IRS1: variants seen among roughly 807,000 people sequenced by gnomAD.
The protein encoded by IRS1 is insulin receptor substrate 1.
Under a neutral mutation model 65.6 loss-of-function variants are expected in IRS1, and 34 were observed. The observed-to-expected ratio is 0.52, with a 90% CI of 0.39 to 0.69. The LOEUF (loss-of-function observed/expected upper bound fraction) is 0.69, where lower values mean the gene tolerates loss of function less well. Ranked by LOEUF, IRS1 falls within the 30% of genes least tolerant of loss-of-function variation. The pLI is 0.00. For synonymous variants in IRS1, 699 were observed against 683.5 expected (o/e 1.02, Z -0.35); for missense variants, 1,641 against 1,720.2 (o/e 0.95, Z 0.81).
chr2:226,744,807 G>A (rs1938505348), intron 1 of IRS1, among the ~76,000 whole-genome samples: 2 of 152,070 alleles, frequency 1.3e-5, no homozygotes, highest in African/African-American at 4.8e-5. Context: ...TCTAAGGAAC[G>A]TCTCCAGGAA....
chr2:226,796,430 G>A lies in IRS1; in HGVS notation c.2309C>T (p.Ser770Phe), dbSNP rs769224709. ...PVLSYYSLPR[S>F]FKHTQRPGEP... ...CCCGGGGCGCTGGGTGTGCTTAAAG[G>A]ATCTTGGCAATGAGTAGTAGGAGAG... is the stretch of plus-strand genomic sequence containing the variant. Residue 770 changes from serine to phenylalanine, a missense_variant, in exon 1 of 2, where the codon TCC (serine) becomes TTC (phenylalanine). This residue lies in a region of IRS1 where 1,324 missense variants were observed against 1,361.0 expected (regional missense o/e 0.97). Transcript: ENST00000305123. 6.2e-7 allele frequency: 1 copy of A among 1,613,714 alleles called. No homozygotes were observed. Among genetic ancestry groups the A allele is most frequent in the Non-Finnish European group, 8.5e-7 (1 of 1,180,044 alleles).
chr2:226,740,549 G>A (rs1281883334), intron 1 of IRS1, among the ~76,000 whole-genome samples: 2 of 152,130 alleles, frequency 1.3e-5, no homozygotes, highest in Non-Finnish European at 2.9e-5. Context: ...TGGGAAAGCA[G>A]CTGGAAACAG....
rs1374984690 is a variant in IRS1, at chr2:226,796,132, G to A, written c.2607C>T (p.Ser869=). ...TRLSLGDPKA[S]TLPRAREQQQ... is the part of the protein sequence containing the mutation. ...GCTGCTCTCGGGCCCGAGGTAAGGTGCTGGCCTTGGGATCCCCCAGGGACA... is the reference window on the plus strand; with the variant it reads ...GCTGCTCTCGGGCCCGAGGTAAGGTACTGGCCTTGGGATCCCCCAGGGACA... The change falls in exon 1 of 2, where the codon AGC becomes AGT. Residue 869 remains serine (S), a synonymous_variant. Coordinates refer to ENST00000305123, the MANE Select transcript of IRS1 (RefSeq NM_005544.3). The A allele has an allele frequency of 3.7e-6, 6 of 1,613,606 alleles. No homozygotes were observed. The highest frequency in any genetic ancestry group is 5.1e-6 in the Non-Finnish European group (6 of 1,180,048).
chr2:226,797,793 T>G lies in IRS1; in HGVS notation c.946A>C (p.Met316Leu). 1 of 1,598,000 alleles carries G rather than the reference T, an allele frequency of 6.3e-7. No individual in the cohort carries two copies. The highest frequency in any genetic ancestry group is 2.2e-5 in the East Asian group (1 of 44,660). ...AAGGAGCCTGGCTTCCCGCCCACCATGCTGGCCGGGGAGGTGGCGGTGATG... is the reference window on the plus strand; with the variant it reads ...AAGGAGCCTGGCTTCCCGCCCACCAGGCTGGCCGGGGAGGTGGCGGTGATG... ...ESITATSPAS[M>L]VGGKPGSFRV... Residue 316 changes from methionine (M) to leucine (L), a missense_variant, in exon 1 of 2, where the codon ATG (methionine) becomes CTG (leucine). By Grantham distance (15) the Met-to-Leu change is conservative. Coordinates refer to ENST00000305123, the MANE Select transcript of IRS1 (RefSeq NM_005544.3). The surrounding 1 kb of genome is among the most constrained non-coding windows in gnomAD (Gnocchi z 8.1).
chr2:226,794,968 C>T lies in IRS1; in HGVS notation c.*21+21G>A. The T allele has an allele frequency of 6.2e-7, 1 of 1,608,882 alleles. No homozygotes were observed. Among genetic ancestry groups the T allele is most frequent in the Non-Finnish European group, 8.5e-7 (1 of 1,176,238 alleles). On this transcript the variant is annotated intron_variant, in intron 1 of 1. Coordinates refer to ENST00000305123, the MANE Select transcript of IRS1 (RefSeq NM_005544.3). The surrounding 1 kb of genome is among the most constrained non-coding windows in gnomAD (Gnocchi z 4.1). ...GGTTAAAAGCAGTTTTGTCTTCTGA[C>T]TTTGTCACCATGAAACGCACCTGCT... is the stretch of plus-strand genomic sequence containing the variant.
intron 1 of IRS1, among the ~76,000 whole-genome samples, chr2:226,743,571 G>A (rs144898296): frequency 2.0e-5 from 3 of 152,230 alleles, no homozygotes; most frequent in East Asian, 3.9e-4. Flanking sequence ...AAATAAACCT[G>A]TTACGAAAAG....
intron 1 of IRS1, among the ~76,000 whole-genome samples, chr2:226,781,321 A>G (rs1939377730): frequency 1.3e-5 from 2 of 152,230 alleles, no homozygotes; most frequent in Admixed American, 1.3e-4. Flanking sequence ...ATTTTTAAAA[A>G]TAATATTTCC....
intron 1 of IRS1, among the ~76,000 whole-genome samples, chr2:226,767,442 G>T (rs1939076580): frequency 6.6e-6 from 1 of 152,216 alleles, no homozygotes; most frequent in South Asian, 2.1e-4. Context: ...GGAATGTTTG[G>T]TGGAGGCTTA....
chr2:226,792,338 C>G (rs1277764207), intron 1 of IRS1: 2 of 152,042 alleles, frequency 1.3e-5, no homozygotes, highest in East Asian at 3.9e-4. Flanking sequence ...GCTTCTTGGG[C>G]TCTCAATTTA....
chr2:226,774,159 T>A (rs915473306), intron 1 of IRS1, among the ~76,000 whole-genome samples: 2 of 152,158 alleles, frequency 1.3e-5, no homozygotes, highest in Non-Finnish European at 2.9e-5. Flanking sequence ...CCCCGAGACT[T>A]GAGAGTCCGT....
intron 1 of IRS1, among the ~76,000 whole-genome samples, chr2:226,757,914 A>G (rs963571621): frequency 2.6e-5 from 4 of 152,248 alleles, no homozygotes; most frequent in South Asian, 2.1e-4. Context: ...AAAATGTTTT[A>G]TTTAAGAATA....
intron 1 of IRS1, among the ~76,000 whole-genome samples, chr2:226,786,333 G>A (rs1939486617): frequency 6.6e-6 from 1 of 152,020 alleles, no homozygotes; most frequent in South Asian, 2.1e-4. Context: ...AAAGAGACGT[G>A]GAAAGTAGTG....
At chr2:226,777,092 AC>A (rs1196864139) in intron 1 of IRS1, among the ~76,000 whole-genome samples, 1 of 152,188 alleles carries the variant, frequency 6.6e-6, no homozygotes, top group African/African-American at 2.4e-5. Context: ...CCTGGATGAG[AC>A]CCTAGAACAG....
At chr2:226,753,813 T>C (rs1040691281) in intron 1 of IRS1, among the ~76,000 whole-genome samples, 1 of 152,126 alleles carries the variant, frequency 6.6e-6, no homozygotes. Context: ...TTATTTTCTT[T>C]TGATAATATA....
intron 1 of IRS1, among the ~76,000 whole-genome samples, chr2:226,786,226 C>A (rs1250862714): frequency 6.6e-6 from 1 of 151,732 alleles, no homozygotes. Flanking sequence ...GTCTTTATAG[C>A]AGCATGATTT....
At chr2:226,739,006 G>A (rs1373282313) in intron 1 of IRS1, among the ~76,000 whole-genome samples, 2 of 152,202 alleles carry the variant, frequency 1.3e-5, no homozygotes, top group African/African-American at 2.4e-5. Flanking sequence ...CATAAGGACA[G>A]AGACCCAGGG....
intron 1 of IRS1, among the ~76,000 whole-genome samples, chr2:226,762,496 T>G (rs1938936473): frequency 6.6e-6 from 1 of 152,226 alleles, no homozygotes; most frequent in African/African-American, 2.4e-5. Flanking sequence ...GCAAATTTTC[T>G]AATAGGGTCA....
intron 1 of IRS1, among the ~76,000 whole-genome samples, chr2:226,784,397 G>GTT (rs908450368): frequency 1.3e-5 from 2 of 150,904 alleles, no homozygotes; most frequent in African/African-American, 4.9e-5. Flanking sequence ...TAATTCAAAT[G>GTT]TTTTTTTTTA....
At chr2:226,742,593 G>A (rs1353180270) in intron 1 of IRS1, among the ~76,000 whole-genome samples, 1 of 152,044 alleles carries the variant, frequency 6.6e-6, no homozygotes, top group Non-Finnish European at 1.5e-5. Context: ...AAAATTCAGG[G>A]AGAGTTGCCA....
Sources: gnomAD v4.1 joint callset for allele counts (sites outside exome capture counted in the v4.1 genomes callset) on GRCh38, gnomAD v4.1.1 for gene constraint, gnomAD v4.1.1 regional missense constraint, Gnocchi (gnomAD v3.1) non-coding constraint, MANE v1.5 for transcripts, NCBI Gene and HGNC (gene_info 2026-07-23, HGNC 2026-07-21) for gene names.